The following CIT variants were observed in gnomAD, a reference collection of about 807,000 sequenced individuals.
The protein encoded by CIT is citron Rho-interacting kinase.
CIT carries 79 observed loss-of-function variants against 272.7 expected under a neutral mutation model. That is an observed-to-expected ratio of 0.29 (90% CI 0.24 to 0.35). CIT has a LOEUF of 0.35. Among genes scored for constraint, CIT ranks in the 10% least tolerant of loss-of-function variants. The pLI, the probability that CIT is intolerant of heterozygous loss-of-function variation, is 1.00. For missense variants in CIT, 1,909 were observed against 2,618.3 expected, an observed-to-expected ratio of 0.73 and a Z score of 5.91; for synonymous variants, 948 against 995.6, an observed-to-expected ratio of 0.95 and a Z score of 0.90.
At position 119,784,119 on chromosome 12, in the gene CIT, T is replaced by G; in HGVS notation, c.1402-68A>C. 1 of 1,613,158 alleles carries G rather than the reference T, an allele frequency of 6.2e-7. No individual in the cohort carries two copies. The highest frequency in any genetic ancestry group is 1.1e-5 in the South Asian group (1 of 90,890). On this transcript the variant is annotated intron_variant, in intron 11 of 47. Transcript: ENST00000392521. The surrounding 1 kb of genome is among the most constrained non-coding windows in gnomAD (Gnocchi z 4.7). ...TCATTAGGAGCAATCACATCTCAAG[T>G]AGCCTCCGAAACCACCTGGTGGTCT...
At chr12:119,790,192 TATA>T (rs1273491109) in intron 10 of CIT, among the ~76,000 whole-genome samples, 6 of 152,042 alleles carry the variant, frequency 3.9e-5, no homozygotes, top group African/African-American at 7.2e-5. Context: ...TATATTACAT[TATA>T]ATAATATTAC....
intron 8 of CIT, among the ~76,000 whole-genome samples, chr12:119,823,439 C>A (rs1223240050): frequency 6.6e-6 from 1 of 152,162 alleles, no homozygotes; most frequent in Non-Finnish European, 1.5e-5. Context: ...CAGAGAGGGC[C>A]TGCTTCTTCT....
At chr12:119,769,008 C>T (rs1282121052) in intron 18 of CIT, among the ~76,000 whole-genome samples, 1 of 151,628 alleles carries the variant, frequency 6.6e-6, no homozygotes, top group Non-Finnish European at 1.5e-5. Context: ...CGGCGGGTGG[C>T]AAGATACACT....
chr12:119,819,496 C>T (rs1179924249), intron 9 of CIT, among the ~76,000 whole-genome samples: 1 of 152,194 alleles, frequency 6.6e-6, no homozygotes, highest in Non-Finnish European at 1.5e-5. Flanking sequence ...CCTGCCAGGA[C>T]CACCTCTTGA....
At chr12:119,726,032 GTGTT>G (rs1958081348) in intron 28 of CIT, among the ~76,000 whole-genome samples, 1 of 131,374 alleles carries the variant, frequency 7.6e-6, no homozygotes, top group African/African-American at 2.7e-5. Flanking sequence ...GTGTGTGTGT[GTGTT>G]TAGTATTAAT....
rs748745040 is a variant in CIT at position 119,742,468 on chromosome 12, A to G, written c.2905-4T>C. On this transcript the variant is annotated splice_region_variant and splice_polypyrimidine_tract_variant and intron_variant, in intron 23 of 47. Transcript: ENST00000392521. The stretch of plus-strand genomic sequence containing the variant: ...GCTGGATTTCATCTCTATGTGCCTA[A>G]AAGGTAAGAAGTTGATTATAAATTT... 3.0e-5 allele frequency: 48 copies of G among 1,608,726 alleles called. No individual in the cohort carries two copies. The highest frequency in any genetic ancestry group is 2.5e-6 in the Non-Finnish European group (3 of 1,177,558).
chr12:119,714,599 C>T (rs1052439130), intron 32 of CIT, among the ~76,000 whole-genome samples: 2 of 152,078 alleles, frequency 1.3e-5, no homozygotes, highest in South Asian at 2.1e-4. Flanking sequence ...CATTATCAGT[C>T]GTTAGAGAGA....
Position 119,775,775 on chromosome 12 carries a change from C to G in CIT, c.1941+11G>C, listed in dbSNP as rs202152220. 2 of 1,611,932 alleles carry G rather than the reference C, an allele frequency of 1.2e-6. No individual in the cohort carries two copies. Among genetic ancestry groups the G allele is most frequent in the Non-Finnish European group, 1.7e-6 (2 of 1,178,144 alleles). ...GGGGGGTAAGTTCCTGAAAAATCAC[C>G]TTGGGCTTACCTTCTCCAGTTTCTC... is the stretch of plus-strand genomic sequence containing the variant. On this transcript the variant is annotated intron_variant, in intron 16 of 47. Transcript: ENST00000392521.
intron 27 of CIT, among the ~76,000 whole-genome samples, chr12:119,730,109 A>C (rs966036394): frequency 1.3e-5 from 2 of 152,208 alleles, no homozygotes; most frequent in Admixed American, 6.5e-5. Flanking sequence ...CTATTACTGC[A>C]GCAATTGGAT....
intron 5 of CIT, among the ~76,000 whole-genome samples, chr12:119,847,128 G>T (rs924778517): frequency 2.6e-5 from 4 of 151,928 alleles, no homozygotes; most frequent in Admixed American, 2.6e-4. Flanking sequence ...GGGACTACAG[G>T]CACCCGCCAC....
At chr12:119,709,787 A>AGTGTGTGTGT (rs150206566) in intron 39 of CIT, among the ~76,000 whole-genome samples, 1 of 107,634 alleles carries the variant, frequency 9.3e-6, no homozygotes, top group Non-Finnish European at 1.9e-5. Flanking sequence ...AGAGAGAGAG[A>AGTGTGTGTGT]GTGTGTGTGT....
At chr12:119,754,391 T>C (rs1354167938) in intron 22 of CIT, among the ~76,000 whole-genome samples, 1 of 152,164 alleles carries the variant, frequency 6.6e-6, no homozygotes, top group African/African-American at 2.4e-5. Flanking sequence ...CCCTTCTGTC[T>C]TACTAAAACA....
intron 5 of CIT, among the ~76,000 whole-genome samples, chr12:119,838,262 A>G (rs280583): frequency 0.68 from 103,223 of 151,822 alleles, 35,507 homozygotes; most frequent in East Asian, 0.98. Flanking sequence ...TAGTAGAGAC[A>G]GGATTTCATC....
chr12:119,845,133 C>G (rs1969704266), intron 5 of CIT, among the ~76,000 whole-genome samples: 1 of 151,014 alleles, frequency 6.6e-6, no homozygotes, highest in Non-Finnish European at 1.5e-5. Flanking sequence ...AAAAATAAAC[C>G]AAAAAACAAA....
chr12:119,782,756 A>C, intron 12 of CIT, 119 bp from the exon 13 acceptor site: 1 of 1,229,030 alleles, frequency 8.1e-7, no homozygotes, highest in Non-Finnish European at 1.1e-6. Context: ...GTGACGGACC[A>C]CAGTTCACAA....
chr12:119,712,938 T>G lies in CIT; in HGVS notation c.4580-243A>C. ...CTGATGACGATGCGGATTTATGGGT[T>G]AGTTGACTGAGGCAGAAGTTCTCGG... On this transcript the variant is annotated intron_variant, in intron 35 of 47. Transcript: ENST00000392521. The surrounding 1 kb of genome is among the most constrained non-coding windows in gnomAD (Gnocchi z 5.2). 1 of 579,474 alleles carries G rather than the reference T, an allele frequency of 1.7e-6. No homozygotes were observed. The highest frequency in any genetic ancestry group is 3.1e-6 in the Non-Finnish European group (1 of 326,592). 35.9% of individuals were successfully genotyped at this position (579,474 alleles called of 1,614,324 possible).
In CIT at chr12:119,772,956, T is replaced by C. The variant is rs761700828; in HGVS notation, c.1942-46A>G. The C allele has an allele frequency of 7.7e-6, 12 of 1,555,138 alleles. No individual in the cohort carries two copies. The Admixed American group carries it at 1.1e-4, about 15-fold the overall frequency. The stretch of plus-strand genomic sequence containing the variant: ...GGAGATAGGTGGGCAAATTTATTCA[T>C]ATAAAAAGATGGTGACAGTATGTTC... On this transcript the variant is annotated intron_variant, in intron 16 of 47. Transcript: ENST00000392521.
intron 2 of CIT, 97 bp downstream of exon 2, chr12:119,875,976 T>C: frequency 1.3e-6 from 1 of 765,216 alleles, no homozygotes; most frequent in Non-Finnish European, 2.2e-6. Flanking sequence ...AGACTGAGAC[T>C]CTAAATAAAT....
intron 5 of CIT, among the ~76,000 whole-genome samples, chr12:119,845,427 C>T (rs57487797): frequency 0.053 from 7,992 of 151,516 alleles, 447 homozygotes; most frequent in African/African-American, 0.14. Flanking sequence ...CTGAGGCAGG[C>T]GGATCACCTG....
Sources: allele counts gnomAD v4.1 joint callset (sites outside exome capture counted in the v4.1 genomes callset), GRCh38; gene constraint gnomAD v4.1.1; non-coding constraint Gnocchi (gnomAD v3.1); transcripts MANE v1.5; gene names NCBI Gene and HGNC (gene_info 2026-07-23, HGNC 2026-07-21).